ITPR1: variants seen among roughly 807,000 people sequenced by gnomAD.
ITPR1 encodes the protein inositol 1,4,5-trisphosphate-gated calcium channel ITPR1.
Under a neutral mutation model 318.4 loss-of-function variants are expected in ITPR1, and 96 were observed. The observed-to-expected ratio is 0.30, with a 90% CI of 0.26 to 0.36. The LOEUF (loss-of-function observed/expected upper bound fraction) is 0.36. Among genes scored for constraint, ITPR1 ranks in the 10% least tolerant of loss-of-function variants. The probability of loss-of-function intolerance (pLI) is 1.00; values close to 1 mark genes in which losing one functional copy is unlikely to be tolerated. For missense variants in ITPR1, 2,440 were observed against 3,460.2 expected, an observed-to-expected ratio of 0.71 and a Z score of 7.40; for synonymous variants, 1,312 against 1,289.9, an observed-to-expected ratio of 1.02 and a Z score of -0.37.
chr3:4,497,603 C>T (rs1575303224), intron 2 of ITPR1, among the ~76,000 whole-genome samples: 2 of 152,192 alleles, frequency 1.3e-5, no homozygotes, highest in Admixed American at 1.3e-4. Context: ...TTGTGCATTG[C>T]CGGTGGGAAT....
intron 42 of ITPR1, among the ~76,000 whole-genome samples, chr3:4,730,862 G>T (rs1028958867): frequency 3.3e-5 from 5 of 152,144 alleles, no homozygotes; most frequent in African/African-American, 9.7e-5. Context: ...TGCTCTTTCA[G>T]ATTCCCGTTG....
At chr3:4,521,463 A>G (rs1347982870) in intron 4 of ITPR1, among the ~76,000 whole-genome samples, 1 of 152,226 alleles carries the variant, frequency 6.6e-6, no homozygotes, top group East Asian at 1.9e-4. Flanking sequence ...TGATATTCTT[A>G]GATACCTTCT....
chr3:4,587,618 T>G (rs1290156352), intron 4 of ITPR1, among the ~76,000 whole-genome samples: 1 of 152,166 alleles, frequency 6.6e-6, no homozygotes, highest in Admixed American at 6.5e-5. Context: ...GCATTTTGAC[T>G]GTACTCTCTT....
intron 24 of ITPR1, among the ~76,000 whole-genome samples, chr3:4,677,087 C>A (rs1010980866): frequency 6.6e-6 from 1 of 152,218 alleles, no homozygotes; most frequent in African/African-American, 2.4e-5. Flanking sequence ...CTAGAATTCA[C>A]TTACCTCTGT....
intron 4 of ITPR1, among the ~76,000 whole-genome samples, chr3:4,557,920 C>T (rs1313463448): frequency 6.6e-6 from 1 of 152,028 alleles, no homozygotes; most frequent in Non-Finnish European, 1.5e-5. Flanking sequence ...ATGGTGAAAC[C>T]CTCTAGTTAT....
rs987715280 is a variant in ITPR1 at position 4,795,425 on chromosome 3, T to A, written c.6931+238T>A. Among the ~76,000 whole-genome samples the A allele has an allele frequency of 5.3e-5, 8 of 152,246 alleles. No homozygotes were observed. In the South Asian group the frequency reaches 8.3e-4, roughly 16 times the overall value. ...AAGAAAGAGAAGCAGCTAGATACTATTAAACCTGTGAGAAAGTCTCTTAAT... is the reference window on the plus strand; with the variant it reads ...AAGAAAGAGAAGCAGCTAGATACTAATAAACCTGTGAGAAAGTCTCTTAAT... On this transcript the variant is annotated intron_variant, in intron 53 of 61. Coordinates refer to ENST00000649015, the MANE Select transcript of ITPR1 (RefSeq NM_001378452.1).
At chr3:4,612,488 A>G (rs1177323484) in intron 4 of ITPR1, among the ~76,000 whole-genome samples, 1 of 152,158 alleles carries the variant, frequency 6.6e-6, no homozygotes, top group East Asian at 1.9e-4. Flanking sequence ...TGACCAACTC[A>G]TGGCTAATCT....
intron 38 of ITPR1, chr3:4,711,536 C>G (rs371597410): frequency 1.9e-6 from 1 of 529,904 alleles, no homozygotes; most frequent in African/African-American, 1.9e-5. Context: ...GACTCCTGCC[C>G]AGTGAGCCTG....
intron 4 of ITPR1, among the ~76,000 whole-genome samples, chr3:4,557,519 C>A (rs1305731428): frequency 6.6e-6 from 1 of 152,026 alleles, no homozygotes. Flanking sequence ...GCTATGTTGA[C>A]CAGGTTGGCC....
intron 18 of ITPR1, among the ~76,000 whole-genome samples, chr3:4,667,831 A>G (rs1300752047): frequency 6.6e-6 from 1 of 152,216 alleles, no homozygotes; most frequent in Non-Finnish European, 1.5e-5. Flanking sequence ...TTAAATGAGA[A>G]TAAACGCAGG....
chr3:4,499,826 G>A (rs1232048053), intron 2 of ITPR1, among the ~76,000 whole-genome samples: 1 of 152,150 alleles, frequency 6.6e-6, no homozygotes, highest in Non-Finnish European at 1.5e-5. Context: ...AAATTGAGAA[G>A]GGGTCTCACT....
chr3:4,836,494 A>G (rs2050927016), intron 60 of ITPR1, among the ~76,000 whole-genome samples: 1 of 152,198 alleles, frequency 6.6e-6, no homozygotes, highest in African/African-American at 2.4e-5. Flanking sequence ...CAGTGGCAGT[A>G]TTCAGATTTG....
chr3:4,811,658 G>A (rs2048946860), intron 56 of ITPR1, among the ~76,000 whole-genome samples, 198 bp downstream of exon 56: 1 of 152,202 alleles, frequency 6.6e-6, no homozygotes, highest in Non-Finnish European at 1.5e-5. Context: ...CTAAGAGTGG[G>A]TGACCAGATC....
intron 4 of ITPR1, among the ~76,000 whole-genome samples, chr3:4,527,031 T>C (rs936875245): frequency 1.6e-4 from 24 of 152,344 alleles, no homozygotes; most frequent in African/African-American, 5.5e-4. Context: ...TCCTAATCTT[T>C]CGCTGTGCAG....
intron 44 of ITPR1, among the ~76,000 whole-genome samples, chr3:4,766,041 A>G (rs530330803): frequency 2.4e-4 from 36 of 152,192 alleles, no homozygotes; most frequent in Non-Finnish European, 5.3e-4. Flanking sequence ...ATTTAGTCTG[A>G]TTTATGGACA....
At position 4,710,333 on chromosome 3, in the gene ITPR1, C is replaced by G; in HGVS notation, c.4851C>G (p.Val1617=). The G allele has an allele frequency of 6.4e-7, 1 of 1,557,732 alleles. No individual in the cohort carries two copies. The highest frequency in any genetic ancestry group is 1.2e-5 in the South Asian group (1 of 84,620). Residue 1617 remains valine (V), a synonymous_variant, in exon 38 of 62, where the codon GTC becomes GTG. Transcript: ENST00000649015. This position sits in a 1 kb window ranked among gnomAD's most constrained non-coding sequence, Gnocchi z 4.2. ...RNIIERLQDI[V]SALEDRLRPL... is the part of the protein sequence containing the mutation. Reference sequence around the variant, plus strand: ...CTGTGTTTCCGTTTTAGGACATCGTCTCCGCGCTGGAGGACCGTCTCAGGC... The same window carrying G: ...CTGTGTTTCCGTTTTAGGACATCGTGTCCGCGCTGGAGGACCGTCTCAGGC...
rs9829878 is a variant in ITPR1, at chr3:4,516,420, T to C, written c.-16-56T>C. On this transcript the variant is annotated intron_variant, in intron 2 of 61. Transcript: ENST00000649015. Reference sequence around the variant, plus strand: ...CTAAGCCAACTCTTAGTGACTTTTTTCCCCTTCTGAACATTTCTTTTCTTC... The same window carrying C: ...CTAAGCCAACTCTTAGTGACTTTTTCCCCCTTCTGAACATTTCTTTTCTTC... 0.021 allele frequency: 19,765 copies of C among 946,352 alleles called. 1,028 individuals carry two copies. The highest frequency in any genetic ancestry group is 0.18 in the African/African-American group (10,138 of 57,654). 58.6% of individuals were successfully genotyped at this position (946,352 alleles called of 1,614,324 possible).
chr3:4,673,984 G>A (rs2094138699), intron 21 of ITPR1, among the ~76,000 whole-genome samples: 1 of 152,120 alleles, frequency 6.6e-6, no homozygotes, highest in Non-Finnish European at 1.5e-5. Context: ...GAACAAACTA[G>A]AAAGCAATCT....
intron 44 of ITPR1, among the ~76,000 whole-genome samples, chr3:4,751,982 C>T (rs897135351): frequency 2.0e-5 from 3 of 152,132 alleles, no homozygotes; most frequent in Non-Finnish European, 4.4e-5. Context: ...CCTCTGAGTT[C>T]CTCTTTGAAA....
Sources: gnomAD v4.1 joint callset for allele counts (sites outside exome capture counted in the v4.1 genomes callset) on GRCh38, gnomAD v4.1.1 for gene constraint, Gnocchi (gnomAD v3.1) non-coding constraint, MANE v1.5 for transcripts, NCBI Gene and HGNC (gene_info 2026-07-23, HGNC 2026-07-21) for gene names.